Variants in PLB1 observed in about 807,000 individuals in gnomAD.
PLB1 encodes the protein phospholipase B1, also known as phospholipase B1, membrane-associated.
In PLB1, 242 loss-of-function variants were observed where a neutral mutation model predicts 227.4. The observed-to-expected ratio is 1.06, with a 90% confidence interval of 0.96 to 1.18. The LOEUF is 1.18. Among genes scored for constraint, PLB1 ranks in the 50% most tolerant of loss-of-function variants. The probability of loss-of-function intolerance (pLI) is 0.00; values close to 1 mark genes in which losing one functional copy is unlikely to be tolerated. For missense variants in PLB1, 1,858 were observed against 1,816.3 expected, an observed-to-expected ratio of 1.02 and a Z score of -0.42; for synonymous variants, 757 against 682.2, an observed-to-expected ratio of 1.11 and a Z score of -1.71.
intron 4 of PLB1, among the ~76,000 whole-genome samples, chr2:28,524,873 T>C (rs1670021788): frequency 7.6e-6 from 1 of 131,306 alleles, no homozygotes; most frequent in South Asian, 2.5e-4. Context: ...TTTGAGACAG[T>C]GTCTCATTCT....
At chr2:28,545,355 G>GT (rs1463910710) in intron 14 of PLB1, among the ~76,000 whole-genome samples, 1 of 152,166 alleles carries the variant, frequency 6.6e-6, no homozygotes, top group Non-Finnish European at 1.5e-5. Context: ...CCAGTCCCTC[G>GT]TTTCCTCACA....
chr2:28,565,438 T>A, intron 19 of PLB1, 85 bp downstream of exon 19: 1 of 1,246,460 alleles, frequency 8.0e-7, no homozygotes, highest in Non-Finnish European at 1.1e-6. Flanking sequence ...AACAACGCCT[T>A]AAGCAGAAGG....
rs1190587972 is a variant in PLB1 at position 28,620,865 on chromosome 2, C to T, written c.3428-14C>T. 4 of 1,608,876 alleles carry T rather than the reference C, an allele frequency of 2.5e-6. No individual in the cohort carries two copies. In the South Asian group the frequency reaches 4.4e-5, roughly 18 times the overall value. On this transcript the variant is annotated splice_polypyrimidine_tract_variant and intron_variant, in intron 48 of 57. Coordinates refer to ENST00000327757, the MANE Select transcript of PLB1 (RefSeq NM_153021.5). ...TCTCACCTGTGCTCTTCTCCTCCTC[C>T]TCCTCCTCTAAAGACATTCTGAAGA...
intron 32 of PLB1, among the ~76,000 whole-genome samples, chr2:28,593,347 T>C (rs188175832): frequency 6.6e-6 from 1 of 152,346 alleles, no homozygotes; most frequent in East Asian, 1.9e-4. Flanking sequence ...GGCATAACGC[T>C]GGGAACGACA....
At position 28,620,991 on chromosome 2, in the gene PLB1, C is replaced by T. The variant is rs763574392; in HGVS notation, c.3527+13C>T. 1.2e-5 allele frequency: 19 copies of T among 1,595,976 alleles called. No homozygotes were observed. The highest frequency in any genetic ancestry group is 1.5e-5 in the Non-Finnish European group (17 of 1,168,804). On this transcript the variant is annotated intron_variant, in intron 49 of 57. Transcript: ENST00000327757. The stretch of plus-strand genomic sequence containing the variant: ...GGGCCAGAGCTAGGTGAGTAGATGC[C>T]GTACAGGAGGGCGAGTGGAAGGCAA...
chr2:28,620,790 A>G (rs976229602), intron 48 of PLB1, 89 bp from the exon 49 acceptor site: 3 of 1,397,028 alleles, frequency 2.1e-6, no homozygotes, highest in African/African-American at 2.8e-5. Flanking sequence ...TGTCCCACCC[A>G]TGTCCCCACC....
chr2:28,548,580 C>G (rs1267661737), intron 14 of PLB1: 1 of 426,868 alleles, frequency 2.3e-6, no homozygotes, highest in African/African-American at 3.6e-5. Context: ...ACTAGGAAGT[C>G]CCTTCTATAT....
chr2:28,496,810 G>C (rs1445442145), intron 1 of PLB1, among the ~76,000 whole-genome samples: 1 of 152,090 alleles, frequency 6.6e-6, no homozygotes, highest in Non-Finnish European at 1.5e-5. Flanking sequence ...CTCTCCCTTT[G>C]CTTAGGAAGG....
At chr2:28,592,760 GC>G in intron 32 of PLB1, 41 bp downstream of exon 32, 1 of 1,585,094 alleles carries the variant, frequency 6.3e-7, no homozygotes, top group Non-Finnish European at 8.7e-7. Flanking sequence ...GGATAACTAG[GC>G]CAGCTCCAGA....
chr2:28,543,150 T>C, intron 13 of PLB1, 62 bp from the exon 14 acceptor site: 1 of 1,517,478 alleles, frequency 6.6e-7, no homozygotes, highest in Non-Finnish European at 9.0e-7. Context: ...TCAAAGTGTG[T>C]AGCAGGTCCG....
chr2:28,642,321 G>A (rs543329041), intron 57 of PLB1, among the ~76,000 whole-genome samples: 3 of 145,512 alleles, frequency 2.1e-5, no homozygotes, highest in South Asian at 4.4e-4. Flanking sequence ...AACACAGCAC[G>A]TGCCCAATTC....
At chr2:28,574,344 C>A (rs547923496) in intron 21 of PLB1, among the ~76,000 whole-genome samples, 1 of 125,324 alleles carries the variant, frequency 8.0e-6, no homozygotes, top group East Asian at 2.2e-4. Context: ...TCACCCCCCC[C>A]ACCCTTCCTC....
chr2:28,548,867 C>G lies in PLB1; in HGVS notation c.944C>G (p.Pro315Arg). ...GCCCACGTTCCTTTCTAGATGGAGC[C>G]AGCAGGAGAGAAAGATGAGCCATTG... ...AWHLWNRMME[P>R]AGEKDEPLSV... The change falls in exon 15 of 58, where the codon CCA becomes CGA. Residue 315 changes from proline to arginine, a missense_variant. Transcript: ENST00000327757. 6.2e-7 allele frequency: 1 copy of G among 1,614,032 alleles called. No individual in the cohort carries two copies. Among genetic ancestry groups the G allele is most frequent in the Non-Finnish European group, 8.5e-7 (1 of 1,179,968 alleles).
intron 56 of PLB1, among the ~76,000 whole-genome samples, chr2:28,638,484 C>A (rs1024177648): frequency 1.3e-5 from 2 of 152,040 alleles, no homozygotes; most frequent in Non-Finnish European, 2.9e-5. Flanking sequence ...TCCGTGTACC[C>A]TGGACTGGAA....
intron 16 of PLB1, among the ~76,000 whole-genome samples, chr2:28,550,317 C>T (rs372880091): frequency 9.0e-4 from 136 of 151,782 alleles, no homozygotes; most frequent in Middle Eastern, 3.4e-3. Flanking sequence ...GGGCTACAGG[C>T]GCACACCACC....
intron 53 of PLB1, among the ~76,000 whole-genome samples, chr2:28,629,985 T>C (rs4344889): frequency 0.58 from 87,804 of 152,008 alleles, 25,878 homozygotes; most frequent in African/African-American, 0.67. Flanking sequence ...GGTTCCCATT[T>C]TTGCAGGGAA....
chr2:28,638,923 C>T (rs1039182622), intron 56 of PLB1, among the ~76,000 whole-genome samples: 29 of 150,978 alleles, frequency 1.9e-4, no homozygotes, highest in African/African-American at 6.1e-4. Flanking sequence ...ATTATCCAGG[C>T]GTGGTGGCAT....
chr2:28,539,673 G>A (rs1413964481), intron 11 of PLB1, among the ~76,000 whole-genome samples: 1 of 152,102 alleles, frequency 6.6e-6, no homozygotes, highest in Non-Finnish European at 1.5e-5. Context: ...AAAAGTCAGG[G>A]CAAGGGCGGT....
Position 28,506,979 on chromosome 2 carries a change from G to A in PLB1, c.56-9829G>A, listed in dbSNP as rs1027522855. On this transcript the variant is annotated intron_variant, in intron 1 of 57. Coordinates refer to ENST00000327757, the MANE Select transcript of PLB1 (RefSeq NM_153021.5). ...GTCTCTGGGAGGAAACCTTCCTGACGGTCTCCCTTCCTGAGACTCCCTTCT... is the reference window on the plus strand; with the variant it reads ...GTCTCTGGGAGGAAACCTTCCTGACAGTCTCCCTTCCTGAGACTCCCTTCT... 1.7e-4 allele frequency among the ~76,000 whole-genome samples: 26 copies of A among 152,260 alleles called. 2 individuals carry two copies. Among genetic ancestry groups the A allele is most frequent in the Admixed American group, 1.3e-3 (20 of 15,290 alleles).
Sources: allele counts gnomAD v4.1 joint callset (sites outside exome capture counted in the v4.1 genomes callset), GRCh38; gene constraint gnomAD v4.1.1; transcripts MANE v1.5; gene names NCBI Gene and HGNC (gene_info 2026-07-23, HGNC 2026-07-21).